Variants in BDH1 observed in about 807,000 individuals in gnomAD.
BDH1 encodes the protein D-beta-hydroxybutyrate dehydrogenase, mitochondrial.
Under a neutral mutation model 33.1 loss-of-function variants are expected in BDH1, and 30 were observed. The observed-to-expected ratio is 0.91, with a 90% confidence interval of 0.68 to 1.23. The LOEUF (loss-of-function observed/expected upper bound fraction) is 1.23, where lower values mean the gene tolerates loss of function less well. Among genes scored for constraint, BDH1 ranks in the 50% most tolerant of loss-of-function variants. The probability of loss-of-function intolerance (pLI) is 0.00; values close to 1 mark genes in which losing one functional copy is unlikely to be tolerated. For missense variants in BDH1, 443 were observed against 464.4 expected, an observed-to-expected ratio of 0.95 and a Z score of 0.42; for synonymous variants, 190 against 183.6, an observed-to-expected ratio of 1.03 and a Z score of -0.28.
Position 197,525,992 on chromosome 3 carries a change from C to A in BDH1, c.268-3211G>T, listed in dbSNP as rs550944275. Among the ~76,000 whole-genome samples, 4 of 152,200 alleles carry A rather than the reference C, an allele frequency of 2.6e-5. No individual in the cohort carries two copies. Among genetic ancestry groups the A allele is most frequent in the Non-Finnish European group, 5.9e-5 (4 of 68,040 alleles). Reference sequence around the variant, plus strand: ...AGCTTTTAGTTCCGCTGTGTTGGTGCGTGTGCAACTGGCTTATTGATAAAC... The same window carrying A: ...AGCTTTTAGTTCCGCTGTGTTGGTGAGTGTGCAACTGGCTTATTGATAAAC... On this transcript the variant is annotated intron_variant, in intron 5 of 7. Coordinates refer to ENST00000392379, the MANE Select transcript of BDH1 (RefSeq NM_203314.3). This position sits in a 1 kb window ranked among gnomAD's most constrained non-coding sequence, Gnocchi z 4.9.
At chr3:197,563,241 C>G (rs1252791725) in intron 1 of BDH1, among the ~76,000 whole-genome samples, 1 of 152,224 alleles carries the variant, frequency 6.6e-6, no homozygotes, top group East Asian at 1.9e-4. Flanking sequence ...GCTCACCAGA[C>G]TTTCACTTTG....
intron 1 of BDH1, among the ~76,000 whole-genome samples, chr3:197,567,929 G>C (rs1333040462): frequency 1.3e-5 from 2 of 152,130 alleles, no homozygotes; most frequent in Non-Finnish European, 2.9e-5. Flanking sequence ...CCCTAAAAGA[G>C]GCCCCTGACC....
At chr3:197,538,377 G>A (rs1003876648) in intron 3 of BDH1, 8 of 454,514 alleles carry the variant, frequency 1.8e-5, no homozygotes, top group African/African-American at 1.2e-4. Context: ...TTGAGACAGA[G>A]TTTCACTCTT....
intron 3 of BDH1, among the ~76,000 whole-genome samples, chr3:197,540,534 T>A (rs1012362220): frequency 6.6e-6 from 1 of 151,848 alleles, no homozygotes; most frequent in African/African-American, 2.4e-5. Context: ...CAGGGCGTGG[T>A]GGCACACGCC....
chr3:197,548,453 G>C lies in BDH1; in HGVS notation c.-43-1967C>G, dbSNP rs1160137514. Among the ~76,000 whole-genome samples the C allele has an allele frequency of 2.0e-5, 3 of 152,236 alleles. No homozygotes were observed. In the South Asian group the frequency reaches 6.2e-4, roughly 32 times the overall value. Reference sequence around the variant, plus strand: ...TAGCTCAATGCCTGTGGCAGAAAATGCTTTAATATGATCTCCAAATAGACA... The same window carrying C: ...TAGCTCAATGCCTGTGGCAGAAAATCCTTTAATATGATCTCCAAATAGACA... On this transcript the variant is annotated intron_variant, in intron 2 of 7. Coordinates refer to ENST00000392379, the MANE Select transcript of BDH1 (RefSeq NM_203314.3).
intron 1 of BDH1, among the ~76,000 whole-genome samples, chr3:197,570,988 C>T (rs1313820383): frequency 6.6e-6 from 1 of 152,190 alleles, no homozygotes; most frequent in Non-Finnish European, 1.5e-5. Context: ...GGAGGGTGTA[C>T]CCTGCAAAGC....
At chr3:197,527,422 TC>T (rs1300714579) in intron 5 of BDH1, among the ~76,000 whole-genome samples, 1 of 152,174 alleles carries the variant, frequency 6.6e-6, no homozygotes, top group Non-Finnish European at 1.5e-5. Flanking sequence ...TCATGGACCT[TC>T]CTGGTCTGGT....
upstream of BDH1, among the ~76,000 whole-genome samples, chr3:197,558,850 A>G (rs2108771886): frequency 6.6e-6 from 1 of 152,266 alleles, no homozygotes; most frequent in South Asian, 2.1e-4. Flanking sequence ...ACCGCTCTCT[A>G]GCAGCAAGAG....
At chr3:197,524,459 C>A (rs1222601525) in intron 5 of BDH1, among the ~76,000 whole-genome samples, 3 of 152,184 alleles carry the variant, frequency 2.0e-5, no homozygotes, top group Non-Finnish European at 4.4e-5. Context: ...ATGGAGAAAT[C>A]ACATCATGCA....
rs564335985 is a variant in BDH1, at chr3:197,561,783, AAAC to A, written c.-44+11395_-44+11397del. Among the ~76,000 whole-genome samples, 25 of 152,152 alleles carry A rather than the reference AAAC, an allele frequency of 1.6e-4. No individual in the cohort carries two copies. The South Asian group carries it at 2.9e-3, about 18-fold the overall frequency. ...TTCTCACAGCTAAAACAAACAAACA[AAAC>A]AACAACAACAACAACAAAAACATGC... On this transcript the variant is annotated intron_variant, in intron 1 of 6. Transcript: ENST00000358186.
intron 3 of BDH1, among the ~76,000 whole-genome samples, chr3:197,541,227 G>T (rs1367353737): frequency 6.6e-6 from 1 of 152,158 alleles, no homozygotes; most frequent in East Asian, 1.9e-4. Flanking sequence ...GGTCCCTCCC[G>T]TTGACATTCT....
intron 5 of BDH1, among the ~76,000 whole-genome samples, chr3:197,527,683 A>T (rs1212463318): frequency 6.6e-6 from 1 of 151,774 alleles, no homozygotes; most frequent in Non-Finnish European, 1.5e-5. Context: ...TCTCAGATGC[A>T]CCCTGCACAC....
At chr3:197,546,807 C>T (rs996982266) in intron 2 of BDH1, among the ~76,000 whole-genome samples, 8 of 152,216 alleles carry the variant, frequency 5.3e-5, no homozygotes, top group Admixed American at 3.3e-4. Flanking sequence ...TCAAACCCGC[C>T]AACCACTGGG....
At chr3:197,546,893 G>A (rs1391713741) in intron 2 of BDH1, among the ~76,000 whole-genome samples, 1 of 152,188 alleles carries the variant, frequency 6.6e-6, no homozygotes, top group African/African-American at 2.4e-5. Flanking sequence ...ACACCCACCT[G>A]TGGTGCCCCA....
In BDH1 at chr3:197,554,752, C is replaced by G. The variant is rs1198981224; in HGVS notation, c.-195-39G>C. 6.6e-6 allele frequency: 1 copy of G among 152,082 alleles called. No individual in the cohort carries two copies. Among genetic ancestry groups the G allele is most frequent in the Non-Finnish European group, 1.5e-5 (1 of 68,014 alleles). 9.4% of individuals were successfully genotyped at this position (152,082 alleles called of 1,614,324 possible). A position where few individuals can be genotyped will look rare whatever the true frequency, so the allele number is the denominator to read the frequency against. On this transcript the variant is annotated intron_variant, in intron 1 of 7. Transcript: ENST00000392379. This position sits in a 1 kb window ranked among gnomAD's most constrained non-coding sequence, Gnocchi z 4.4. The stretch of plus-strand genomic sequence containing the variant: ...AAAAAAAACGCGGAGTTCGACGCCG[C>G]GCGCAGCACCAAACACTTCCCCAGA...
chr3:197,523,006 G>C lies in BDH1; in HGVS notation c.268-225C>G, dbSNP rs1203279317. The C allele has an allele frequency of 3.9e-6, 2 of 517,246 alleles. No homozygotes were observed. Among genetic ancestry groups the C allele is most frequent in the Admixed American group, 7.4e-5 (2 of 27,170 alleles). 32.0% of individuals were successfully genotyped at this position (517,246 alleles called of 1,614,324 possible). A position where few individuals can be genotyped will look rare whatever the true frequency, so the allele number is the denominator to read the frequency against. On this transcript the variant is annotated intron_variant, in intron 5 of 7. Coordinates refer to ENST00000392379, the MANE Select transcript of BDH1 (RefSeq NM_203314.3). The surrounding 1 kb of genome is among the most constrained non-coding windows in gnomAD (Gnocchi z 4.5). The stretch of plus-strand genomic sequence containing the variant: ...GTGCCACAGACACAACCATGAATAG[G>C]ATGAAGAGCCGGCCCCCAAGGCCTC...
upstream of BDH1, among the ~76,000 whole-genome samples, chr3:197,557,017 A>T (rs1387213606): frequency 6.6e-6 from 1 of 152,238 alleles, no homozygotes; most frequent in Non-Finnish European, 1.5e-5. The surrounding 1 kb of genome is among the most constrained non-coding windows in gnomAD (Gnocchi z 4.6). Context: ...GCTCACTGAG[A>T]TAAATGCATA....
In BDH1 at chr3:197,516,272, C is replaced by T. The variant is rs1035130393; in HGVS notation, c.410-1856G>A. The stretch of plus-strand genomic sequence containing the variant: ...TCTTCATGTTTGTGAATTTTGCAGC[C>T]GTTTTGTGTTTGATTCATAACGGAC... On this transcript the variant is annotated intron_variant, in intron 6 of 7. Coordinates refer to ENST00000392379, the MANE Select transcript of BDH1 (RefSeq NM_203314.3). This position sits in a 1 kb window ranked among gnomAD's most constrained non-coding sequence, Gnocchi z 4.2. Among the ~76,000 whole-genome samples the T allele has an allele frequency of 3.3e-5, 5 of 152,152 alleles. No individual in the cohort carries two copies. The highest frequency in any genetic ancestry group is 1.2e-4 in the African/African-American group (5 of 41,432).
chr3:197,554,033 C>T lies in BDH1; in HGVS notation c.-44+529G>A, dbSNP rs1015612001. Among the ~76,000 whole-genome samples, 1 of 152,202 alleles carries T rather than the reference C, an allele frequency of 6.6e-6. No homozygotes were observed. Among genetic ancestry groups the T allele is most frequent in the Non-Finnish European group, 1.5e-5 (1 of 68,036 alleles). ...ACCTGGCTCCTCCAAACCGTATCTC[C>T]AACTATACTTTTCTCCTCTACTCAT... On this transcript the variant is annotated intron_variant, in intron 2 of 7. Coordinates refer to ENST00000392379, the MANE Select transcript of BDH1 (RefSeq NM_203314.3). This position sits in a 1 kb window ranked among gnomAD's most constrained non-coding sequence, Gnocchi z 4.4.
Sources: allele counts gnomAD v4.1 joint callset (sites outside exome capture counted in the v4.1 genomes callset), GRCh38; gene constraint gnomAD v4.1.1; non-coding constraint Gnocchi (gnomAD v3.1); transcripts MANE v1.5; gene names NCBI Gene and HGNC (gene_info 2026-07-23, HGNC 2026-07-21).